Variants in PSTPIP1 observed in about 807,000 individuals in gnomAD.
The protein encoded by PSTPIP1 is proline-serine-threonine phosphatase interacting protein 1.
Under a neutral mutation model 69.6 loss-of-function variants are expected in PSTPIP1, and 66 were observed. The ratio of observed to expected loss-of-function variants is 0.95; its 90% confidence interval spans 0.78 to 1.16. The LOEUF (loss-of-function observed/expected upper bound fraction) is 1.16, where lower values mean the gene tolerates loss of function less well. Among genes scored for constraint, PSTPIP1 ranks in the 50% most tolerant of loss-of-function variants. The pLI, the probability that PSTPIP1 is intolerant of heterozygous loss-of-function variation, is 0.00. For synonymous variants in PSTPIP1, 266 were observed against 222.7 expected (o/e 1.19, Z -1.73); for missense variants, 603 against 557.4 (o/e 1.08, Z -0.82).
Position 76,995,290 on chromosome 15 carries a change from AG to A in PSTPIP1, c.-280del. 1 of 1,348,024 alleles carries A rather than the reference AG, an allele frequency of 7.4e-7. No individual in the cohort carries two copies. Among genetic ancestry groups the A allele is most frequent in the East Asian group, 3.1e-5 (1 of 32,578 alleles). 83.5% of individuals were successfully genotyped at this position (1,348,024 alleles called of 1,614,324 possible). On this transcript the variant is annotated 5_prime_UTR_variant, in exon 1 of 15. Coordinates refer to ENST00000558012, the MANE Select transcript of PSTPIP1 (RefSeq NM_003978.5). ...GTCCTCCATCACCGCAGGGTCGGTG[AG>A]GGGCTGGGCTGGACACCAGGGCCCG...
chr15:77,019,108 G>A lies in PSTPIP1; in HGVS notation c.212+577G>A, dbSNP rs566162502. On this transcript the variant is annotated intron_variant, in intron 3 of 14. Transcript: ENST00000558012. ...CTGAGGCCTGGTTAGAGGGCAGGCCGTCAGGGAAGTGGCTCTGATGAAGCG... is the reference window on the plus strand; with the variant it reads ...CTGAGGCCTGGTTAGAGGGCAGGCCATCAGGGAAGTGGCTCTGATGAAGCG... Among the ~76,000 whole-genome samples the A allele has an allele frequency of 4.1e-4, 62 of 152,342 alleles. No individual in the cohort carries two copies. In the South Asian group the frequency reaches 6.0e-3, roughly 15 times the overall value.
chr15:77,003,425 G>C (rs751120496), intron 1 of PSTPIP1, among the ~76,000 whole-genome samples: 1 of 152,140 alleles, frequency 6.6e-6, no homozygotes, highest in Non-Finnish European at 1.5e-5. Flanking sequence ...AGGCCGAGGC[G>C]GGTGGATCAT....
chr15:77,037,420 G>A lies in PSTPIP1; in HGVS notation c.*244G>A. The A allele has an allele frequency of 2.4e-6, 1 of 421,682 alleles. No individual in the cohort carries two copies. The highest frequency in any genetic ancestry group is 4.2e-6 in the Non-Finnish European group (1 of 236,124). The allele number at this position is 421,682 out of a possible 1,614,324, so 26.1% of individuals were successfully genotyped here. A position where few individuals can be genotyped will look rare whatever the true frequency, so the allele number is the denominator to read the frequency against. On this transcript the variant is annotated 3_prime_UTR_variant, in exon 15 of 15. Transcript: ENST00000558012. ...AGGAGGCAAAGGAACAAGGGAAGGA[G>A]CCTGGATGTGGAGCTCCCCAACTCA...
intron 1 of PSTPIP1, among the ~76,000 whole-genome samples, chr15:77,017,541 C>T (rs911890441): frequency 1.3e-5 from 2 of 152,170 alleles, no homozygotes; most frequent in African/African-American, 4.8e-5. Flanking sequence ...GGGGGGGTTT[C>T]CTGAGCCCAC....
At chr15:76,999,410 C>G (rs1298544201) in intron 1 of PSTPIP1, 4 of 152,040 alleles carry the variant, frequency 2.6e-5, no homozygotes, top group African/African-American at 4.8e-5. Flanking sequence ...TCCCGAGTAG[C>G]TGGGATTACA....
At chr15:77,029,678 C>A (rs2076369571) in intron 8 of PSTPIP1, 104 bp downstream of exon 8, 1 of 1,305,210 alleles carries the variant, frequency 7.7e-7, no homozygotes, top group Middle Eastern at 2.3e-4. Context: ...CCTGGCTGCA[C>A]AATCATGGGC....
intron 9 of PSTPIP1, 107 bp downstream of exon 9, chr15:77,030,688 C>G: frequency 8.9e-7 from 1 of 1,125,618 alleles, no homozygotes; most frequent in Non-Finnish European, 1.2e-6. Context: ...GGGGAAGGTA[C>G]CTGTTACTCA....
Position 77,035,799 on chromosome 15 carries a change from T to C in PSTPIP1, c.986-3T>C. 2 of 1,605,592 alleles carry C rather than the reference T, an allele frequency of 1.2e-6. No homozygotes were observed. Among genetic ancestry groups the C allele is most frequent in the Non-Finnish European group, 1.7e-6 (2 of 1,179,086 alleles). ...AGGGGTCTATGTCTCACCCTGCTCT[T>C]AGCGTCCACAGAGACCCTGACCCCC... On this transcript the variant is annotated splice_polypyrimidine_tract_variant and splice_region_variant and intron_variant, in intron 13 of 14. Transcript: ENST00000558012.
chr15:77,007,360 C>T (rs2075834871), intron 1 of PSTPIP1, among the ~76,000 whole-genome samples: 3 of 152,178 alleles, frequency 2.0e-5, no homozygotes, highest in Admixed American at 2.0e-4. Flanking sequence ...GTAATTCCAG[C>T]ACTCTGGAAA....
chr15:77,003,473 G>C (rs2075753049), intron 1 of PSTPIP1, among the ~76,000 whole-genome samples: 1 of 152,124 alleles, frequency 6.6e-6, no homozygotes. Context: ...GGCCACCATG[G>C]TGAAACCCTG....
intron 1 of PSTPIP1, among the ~76,000 whole-genome samples, chr15:76,997,332 C>T (rs892519368): frequency 1.4e-4 from 21 of 152,218 alleles, no homozygotes; most frequent in Admixed American, 9.8e-4. Context: ...GTGGGAACCT[C>T]TCACACTGAG....
Position 77,025,416 on chromosome 15 carries a change from G to A in PSTPIP1, c.248-82G>A, listed in dbSNP as rs2076256974. The A allele has an allele frequency of 4.4e-6, 7 of 1,583,058 alleles. No individual in the cohort carries two copies. In the Admixed American group the frequency reaches 5.1e-5, roughly 11 times the overall value. Reference sequence around the variant, plus strand: ...GATGAGGTGTTGGGGCTGGGGCTGGGCTGGCCCACACGGGTGAGTTGTGGG... The same window carrying A: ...GATGAGGTGTTGGGGCTGGGGCTGGACTGGCCCACACGGGTGAGTTGTGGG... On this transcript the variant is annotated intron_variant, in intron 4 of 14. Transcript: ENST00000558012.
intron 1 of PSTPIP1, among the ~76,000 whole-genome samples, chr15:76,996,058 CA>C (rs761824097): frequency 9.8e-4 from 149 of 152,288 alleles, no homozygotes; most frequent in Non-Finnish European, 1.3e-3. Flanking sequence ...AAATAGAAAT[CA>C]ACACACCAAC....
chr15:77,002,156 A>T (rs566808654), intron 1 of PSTPIP1, among the ~76,000 whole-genome samples: 1 of 152,204 alleles, frequency 6.6e-6, no homozygotes, highest in Non-Finnish European at 1.5e-5. Context: ...ACGCATTGTC[A>T]GTGTCTTCCT....
chr15:77,000,460 G>GATATATATAT (rs1045472754), intron 1 of PSTPIP1, among the ~76,000 whole-genome samples: 33 of 141,774 alleles, frequency 2.3e-4, no homozygotes, highest in African/African-American at 7.9e-4. Context: ...TTTAAAGAGA[G>GATATATATAT]ATATATATAT....
chr15:77,008,135 G>A, intron 1 of PSTPIP1: 1 of 450,660 alleles, frequency 2.2e-6, no homozygotes, highest in Middle Eastern at 5.6e-4. Context: ...TGGAGCTGCA[G>A]TGAATACTAA....
At chr15:76,998,282 A>C (rs751343112) in intron 1 of PSTPIP1, among the ~76,000 whole-genome samples, 1 of 152,154 alleles carries the variant, frequency 6.6e-6, no homozygotes, top group Non-Finnish European at 1.5e-5. Context: ...TTGATATCAC[A>C]GCCCCTCAGT....
upstream of PSTPIP1, chr15:76,994,849 G>GT: frequency 1.6e-6 from 2 of 1,289,130 alleles, no homozygotes; most frequent in Non-Finnish European, 2.0e-6. Context: ...CTAGTGCGGG[G>GT]TGGGGAGTCT....
chr15:77,030,547 C>G lies in PSTPIP1; in HGVS notation c.608C>G (p.Ala203Gly). 1 of 1,611,538 alleles carries G rather than the reference C, an allele frequency of 6.2e-7. No individual in the cohort carries two copies. Among genetic ancestry groups the G allele is most frequent in the East Asian group, 2.2e-5 (1 of 44,814 alleles). ...ATTGCGCAGCTGGAGAAGGTCCGGG[C>G]TGAGTGGGAGCAGGAGCACCGGACC... is the stretch of plus-strand genomic sequence containing the variant. ...QSIAQLEKVR[A>G]EWEQEHRTTC... is the part of the protein sequence containing the mutation. Residue 203 changes from alanine to glycine, a missense_variant, in exon 9 of 15, where the codon GCT becomes GGT. Coordinates refer to ENST00000558012, the MANE Select transcript of PSTPIP1 (RefSeq NM_003978.5).
Sources: gnomAD v4.1 joint callset for allele counts (sites outside exome capture counted in the v4.1 genomes callset) on GRCh38, gnomAD v4.1.1 for gene constraint, MANE v1.5 for transcripts, NCBI Gene and HGNC (gene_info 2026-07-23, HGNC 2026-07-21) for gene names.